CAPN9: variants seen among roughly 807,000 people sequenced by gnomAD.
The protein encoded by CAPN9 is calpain-9.
A neutral mutation model predicts 92.8 loss-of-function variants in CAPN9; 81 were observed. The observed-to-expected ratio is 0.87, with a 90% CI of 0.73 to 1.05. CAPN9 has a LOEUF of 1.05. CAPN9 is among the 50% of genes least tolerant of loss of function. The pLI, the probability that CAPN9 is intolerant of heterozygous loss-of-function variation, is 0.00. For synonymous variants in CAPN9, 304 were observed against 328.0 expected (o/e 0.93, Z 0.79); for missense variants, 848 against 866.2 (o/e 0.98, Z 0.26).
intron 19 of CAPN9, among the ~76,000 whole-genome samples, chr1:230,800,647 C>G (rs1054193629): frequency 2.6e-5 from 4 of 152,192 alleles, no homozygotes; most frequent in Non-Finnish European, 5.9e-5. Context: ...TTCTCTCCCT[C>G]TAAACCTACC....
At chr1:230,795,085 G>T in intron 17 of CAPN9, 78 bp from the exon 18 acceptor site, 1 of 870,342 alleles carries the variant, frequency 1.1e-6, no homozygotes, top group South Asian at 1.4e-5. Context: ...TCAGCTGCCT[G>T]GGAGCTCCCT....
Position 230,755,355 on chromosome 1 carries a change from G to T in CAPN9, c.232G>T (p.Glu78Ter). 7 of 1,610,208 alleles carry T rather than the reference G, an allele frequency of 4.3e-6. No individual in the cohort carries two copies. Among genetic ancestry groups the T allele is most frequent in the Non-Finnish European group, 5.1e-6 (6 of 1,178,338 alleles). ...KRPGEIVKNP[E>*]FILGGATRTD... ...CCTCCAGGAAATCGTGAAAAACCCA[G>T]AATTCATTCTTGGAGGGGCCACCAG... The change falls in exon 2 of 20, where the codon GAA becomes TAA. Residue 78 changes from glutamate to a stop codon, truncating the protein, a stop_gained. Transcript: ENST00000271971. LOFTEE classifies it high-confidence loss of function.
intron 11 of CAPN9, among the ~76,000 whole-genome samples, chr1:230,784,147 G>A (rs1021283998): frequency 1.3e-5 from 2 of 152,190 alleles, no homozygotes; most frequent in Non-Finnish European, 2.9e-5. Flanking sequence ...TCAGATATGG[G>A]AGCAAAGATA....
At chr1:230,798,100 GAAAC>G in intron 18 of CAPN9, 58 bp from the exon 19 acceptor site, 1 of 1,301,830 alleles carries the variant, frequency 7.7e-7, no homozygotes, top group Non-Finnish European at 1.1e-6. Context: ...TGGTCGCTGG[GAAAC>G]AAACTTGGTA....
intron 17 of CAPN9, among the ~76,000 whole-genome samples, chr1:230,794,636 G>C (rs1265017500): frequency 6.6e-6 from 1 of 152,180 alleles, no homozygotes; most frequent in African/African-American, 2.4e-5. Flanking sequence ...GCTATAGCCT[G>C]TCATTCTTCC....
At position 230,792,965 on chromosome 1, in the gene CAPN9, T is replaced by C. The variant is rs2102931860; in HGVS notation, c.1870+37T>C. ...ACTGGAGTACAGGTGGCTGACTGCA[T>C]GCCAGGTACTGCCTGTGGGCAACCT... On this transcript the variant is annotated intron_variant, in intron 17 of 19. Transcript: ENST00000271971. The C allele has an allele frequency of 2.7e-6, 4 of 1,495,386 alleles. No homozygotes were observed. In the East Asian group the frequency reaches 6.8e-5, roughly 25 times the overall value. The allele number at this position is 1,495,386 out of a possible 1,614,324, so 92.6% of individuals were successfully genotyped here. A position where few individuals can be genotyped will look rare whatever the true frequency, so the allele number is the denominator to read the frequency against.
intron 3 of CAPN9, 31 bp from the exon 4 acceptor site, chr1:230,762,622 G>T: frequency 6.2e-7 from 1 of 1,609,864 alleles, no homozygotes; most frequent in Non-Finnish European, 8.5e-7. Context: ...TAGCTGACTC[G>T]CATCATTTCT....
intron 17 of CAPN9, 22 bp downstream of exon 17, chr1:230,792,950 A>G: frequency 1.3e-6 from 2 of 1,587,740 alleles, no homozygotes; most frequent in Non-Finnish European, 1.7e-6. Flanking sequence ...ACTGGAGTAC[A>G]GGTGGCTGAC....
intron 19 of CAPN9, among the ~76,000 whole-genome samples, chr1:230,800,302 GAAAGGAA>G (rs377340366): frequency 4.0e-5 from 3 of 74,724 alleles, no homozygotes; most frequent in Non-Finnish European, 5.9e-5. Flanking sequence ...AAGAAAGAAA[GAAAGGAA>G]AAACAAGAGA....
chr1:230,792,551 G>A, intron 16 of CAPN9, 57 bp downstream of exon 16: 1 of 1,385,630 alleles, frequency 7.2e-7, no homozygotes, highest in Admixed American at 1.7e-5. Context: ...CTAGAGCAGA[G>A]GGGATTTAAA....
intron 6 of CAPN9, among the ~76,000 whole-genome samples, chr1:230,770,491 C>T (rs141288301): frequency 6.6e-6 from 1 of 152,272 alleles, no homozygotes; most frequent in East Asian, 1.9e-4. Context: ...TCTGGGCACC[C>T]CATGGCCCAG....
chr1:230,765,415 T>C (rs1665924936), intron 4 of CAPN9, among the ~76,000 whole-genome samples: 1 of 152,052 alleles, frequency 6.6e-6, no homozygotes, highest in Non-Finnish European at 1.5e-5. Context: ...TCCCAGCACT[T>C]TGGGAGGCCG....
At chr1:230,775,937 C>CT (rs1274350437) in intron 8 of CAPN9, 5 of 149,928 alleles carry the variant, frequency 3.3e-5, no homozygotes, top group African/African-American at 1.2e-4. Context: ...AAAAAAAATA[C>CT]TACAACCCAA....
At chr1:230,789,477 A>C (rs1349260631) in intron 13 of CAPN9, among the ~76,000 whole-genome samples, 1 of 77,712 alleles carries the variant, frequency 1.3e-5, no homozygotes, top group African/African-American at 7.3e-5. Flanking sequence ...CTGTATCAAA[A>C]AAAAAAAAAA....
At chr1:230,787,443 C>T (rs1667680859) in intron 12 of CAPN9, 79 bp from the exon 13 acceptor site, 6 of 1,258,496 alleles carry the variant, frequency 4.8e-6, no homozygotes, top group East Asian at 4.8e-5. Flanking sequence ...CACACAGGCT[C>T]CTGGCTTCTT....
intron 11 of CAPN9, among the ~76,000 whole-genome samples, chr1:230,783,717 A>G (rs1232175544): frequency 6.6e-6 from 1 of 152,236 alleles, no homozygotes; most frequent in Non-Finnish European, 1.5e-5. Context: ...AATACAGAAA[A>G]TTGGTACAGA....
intron 6 of CAPN9, among the ~76,000 whole-genome samples, chr1:230,769,719 A>G (rs956746291): frequency 1.3e-5 from 2 of 151,584 alleles, no homozygotes; most frequent in African/African-American, 4.9e-5. Flanking sequence ...CACAGGCTTG[A>G]ACTTATATGG....
intron 19 of CAPN9, 30 bp from the exon 20 acceptor site, chr1:230,801,540 G>A (rs1668727687): frequency 6.2e-7 from 1 of 1,612,476 alleles, no homozygotes; most frequent in East Asian, 2.2e-5. Flanking sequence ...GAAGGACAAC[G>A]ACCCCTCATC....
chr1:230,749,664 C>A (rs1664643518), intron 1 of CAPN9, among the ~76,000 whole-genome samples: 1 of 152,144 alleles, frequency 6.6e-6, no homozygotes, highest in Non-Finnish European at 1.5e-5. Flanking sequence ...TCTCTACAGG[C>A]ACTTGATATG....
Sources: allele counts gnomAD v4.1 joint callset (sites outside exome capture counted in the v4.1 genomes callset), GRCh38; gene constraint gnomAD v4.1.1; transcripts MANE v1.5; gene names NCBI Gene and HGNC (gene_info 2026-07-23, HGNC 2026-07-21).